The following SPECC1 variants were observed in gnomAD, a reference collection of about 807,000 sequenced individuals.
SPECC1 encodes the protein cytospin-B.
SPECC1 carries 62 observed loss-of-function variants against 104.1 expected under a neutral mutation model. The ratio of observed to expected loss-of-function variants is 0.60; its 90% confidence interval spans 0.49 to 0.74. SPECC1 has a LOEUF of 0.74. Ranked by LOEUF, SPECC1 falls within the 30% of genes least tolerant of loss-of-function variation. SPECC1 has a pLI of 0.00. For missense variants in SPECC1, 1,306 were observed against 1,310.5 expected, an observed-to-expected ratio of 1.00 and a Z score of 0.05; for synonymous variants, 513 against 501.6, an observed-to-expected ratio of 1.02 and a Z score of -0.30.
chr17:20,109,004 G>A (rs765495840), intron 2 of SPECC1, among the ~76,000 whole-genome samples: 1 of 152,150 alleles, frequency 6.6e-6, no homozygotes, highest in Non-Finnish European at 1.5e-5. Context: ...ACTTTCCAAA[G>A]CAGTTATGCC....
At chr17:20,309,308 A>C (rs566655370) in intron 14 of SPECC1, among the ~76,000 whole-genome samples, 1 of 152,350 alleles carries the variant, frequency 6.6e-6, no homozygotes, top group Non-Finnish European at 1.5e-5. Flanking sequence ...TTCTGTTGTT[A>C]GATTATGCCA....
rs55761614 is a variant in SPECC1 at position 20,071,384 on chromosome 17, T to TTG, written c.-21-25229_-21-25228dup. Among the ~76,000 whole-genome samples the TTG allele has an allele frequency of 3.0e-3, 454 of 151,350 alleles. 5 individuals carry two copies. The East Asian group carries it at 0.031, about 10-fold the overall frequency. On this transcript the variant is annotated intron_variant, in intron 1 of 14. Coordinates refer to ENST00000395527, the MANE Select transcript of SPECC1 (RefSeq NM_001243439.2). ...ACAAGTGGTTTGTGTTTGTGTGTGT[T>TTG]TGTGTGTGTGTGTGTGTGTAATTTT...
intron 11 of SPECC1, among the ~76,000 whole-genome samples, chr17:20,259,369 A>G (rs1315830042): frequency 2.6e-5 from 4 of 152,228 alleles, no homozygotes; most frequent in Non-Finnish European, 5.9e-5. Flanking sequence ...TGAATATGCT[A>G]TTGATATTTT....
intron 8 of SPECC1, 127 bp downstream of exon 8, chr17:20,246,198 C>T (rs1397381514): frequency 1.8e-6 from 2 of 1,108,954 alleles, no homozygotes; most frequent in Admixed American, 4.5e-5. Context: ...TTTCCAGGTC[C>T]TACCACGTGC....
chr17:20,257,731 G>A, intron 11 of SPECC1, 124 bp downstream of exon 11: 1 of 1,295,426 alleles, frequency 7.7e-7, no homozygotes, highest in Non-Finnish European at 1.1e-6. Context: ...AAATGACTAA[G>A]ACACTGTGCC....
intron 1 of SPECC1, among the ~76,000 whole-genome samples, chr17:20,062,306 C>T (rs755836603): frequency 2.0e-5 from 3 of 151,650 alleles, no homozygotes; most frequent in South Asian, 2.1e-4. Context: ...CCGTAACAGT[C>T]GTAGCATTAA....
intron 1 of SPECC1, among the ~76,000 whole-genome samples, chr17:20,081,547 G>C (rs910797993): frequency 1.3e-5 from 2 of 152,086 alleles, no homozygotes; most frequent in Non-Finnish European, 2.9e-5. Flanking sequence ...GAGCAGAGGA[G>C]TGATGGGATC....
intron 1 of SPECC1, among the ~76,000 whole-genome samples, chr17:20,085,355 G>C (rs984543933): frequency 1.3e-5 from 2 of 152,194 alleles, no homozygotes; most frequent in Non-Finnish European, 2.9e-5. Context: ...CACATCCATA[G>C]GGGGCAGCGG....
At chr17:20,100,281 T>C (rs1305056834) in intron 2 of SPECC1, among the ~76,000 whole-genome samples, 2 of 152,144 alleles carry the variant, frequency 1.3e-5, no homozygotes, top group African/African-American at 4.8e-5. Context: ...GCCCTGGTTC[T>C]GTTCCTCTGA....
intron 4 of SPECC1, among the ~76,000 whole-genome samples, chr17:20,209,485 G>T (rs893043085): frequency 6.6e-6 from 1 of 152,122 alleles, no homozygotes; most frequent in Non-Finnish European, 1.5e-5. Context: ...AAAAATAGGA[G>T]GTAGGTGTCT....
intron 12 of SPECC1, among the ~76,000 whole-genome samples, chr17:20,284,593 G>T (rs964351177): frequency 9.2e-5 from 14 of 152,344 alleles, no homozygotes; most frequent in African/African-American, 3.4e-4. Context: ...TGTTATGTGT[G>T]CATTTGCTTT....
At chr17:20,065,567 C>T (rs1262437546) in intron 1 of SPECC1, among the ~76,000 whole-genome samples, 1 of 152,220 alleles carries the variant, frequency 6.6e-6, no homozygotes, top group Non-Finnish European at 1.5e-5. Flanking sequence ...CACTACCCTC[C>T]AGAAACTTCC....
intron 1 of SPECC1, among the ~76,000 whole-genome samples, chr17:20,039,023 C>G (rs1384276835): frequency 6.6e-6 from 1 of 152,144 alleles, no homozygotes; most frequent in Non-Finnish European, 1.5e-5. Flanking sequence ...TAGAGTTGCG[C>G]CAACATCACC....
chr17:20,047,032 A>G (rs1025606588), intron 1 of SPECC1, among the ~76,000 whole-genome samples: 3 of 152,184 alleles, frequency 2.0e-5, no homozygotes, highest in African/African-American at 7.2e-5. Flanking sequence ...AGATGTTGGT[A>G]GATGGGACCA....
intron 1 of SPECC1, among the ~76,000 whole-genome samples, chr17:20,082,010 G>A (rs1452602948): frequency 6.6e-6 from 1 of 152,164 alleles, no homozygotes; most frequent in Non-Finnish European, 1.5e-5. Context: ...AGTCAAGACA[G>A]GGAAAAGGCA....
At chr17:20,081,756 C>G (rs958241955) in intron 1 of SPECC1, among the ~76,000 whole-genome samples, 2 of 152,092 alleles carry the variant, frequency 1.3e-5, no homozygotes, top group Admixed American at 1.3e-4. Flanking sequence ...GTTTGTTGCT[C>G]TGATCCGTGC....
chr17:20,093,063 C>T (rs2047474362), intron 1 of SPECC1, among the ~76,000 whole-genome samples: 1 of 152,146 alleles, frequency 6.6e-6, no homozygotes, highest in Non-Finnish European at 1.5e-5. Context: ...ATGAAGTTTC[C>T]CCACCTGTGA....
intron 3 of SPECC1, among the ~76,000 whole-genome samples, chr17:20,194,306 T>A (rs2035860700): frequency 7.0e-6 from 1 of 142,294 alleles, no homozygotes; most frequent in Admixed American, 6.8e-5. Context: ...TGTGAGAAAG[T>A]GACATTCTTT....
At chr17:20,181,513 T>G (rs2034885233) in intron 3 of SPECC1, among the ~76,000 whole-genome samples, 1 of 152,136 alleles carries the variant, frequency 6.6e-6, no homozygotes, top group Admixed American at 6.5e-5. Flanking sequence ...CAATTTCCCC[T>G]CAAAATATAA....
Sources: allele counts gnomAD v4.1 joint callset (sites outside exome capture counted in the v4.1 genomes callset), GRCh38; gene constraint gnomAD v4.1.1; transcripts MANE v1.5; gene names NCBI Gene and HGNC (gene_info 2026-07-23, HGNC 2026-07-21).